Variants in C2CD2 observed in about 807,000 individuals in gnomAD.
The protein encoded by C2CD2 is C2 calcium dependent domain containing 2.
In C2CD2, 43 loss-of-function variants were observed where a neutral mutation model predicts 74.3. The ratio of observed to expected loss-of-function variants is 0.58; its 90% CI spans 0.45 to 0.75. The LOEUF (loss-of-function observed/expected upper bound fraction) is 0.75, where lower values mean the gene tolerates loss of function less well. Ranked by LOEUF, C2CD2 falls within the 30% of genes least tolerant of loss-of-function variation. C2CD2 has a pLI of 0.00. For missense variants in C2CD2, 801 were observed against 916.3 expected, an observed-to-expected ratio of 0.87 and a Z score of 1.63; for synonymous variants, 422 against 390.7, an observed-to-expected ratio of 1.08 and a Z score of -0.94.
intron 11 of C2CD2, 125 bp from the exon 12 acceptor site, chr21:41,901,874 G>T: frequency 1.2e-6 from 1 of 825,788 alleles, no homozygotes; most frequent in Non-Finnish European, 2.0e-6. Flanking sequence ...GGGGCCAAAG[G>T]GTCAATTGTT....
At chr21:41,904,766 G>T (rs1333066401) in intron 11 of C2CD2, among the ~76,000 whole-genome samples, 1 of 152,196 alleles carries the variant, frequency 6.6e-6, no homozygotes, top group Non-Finnish European at 1.5e-5. Context: ...TTGCCCAGTT[G>T]TTGACCTGGG....
chr21:41,916,256 T>A (rs2065089275), intron 5 of C2CD2, among the ~76,000 whole-genome samples: 1 of 152,078 alleles, frequency 6.6e-6, no homozygotes. Flanking sequence ...GGCCATGGGG[T>A]GCCCAGATAT....
intron 13 of C2CD2, among the ~76,000 whole-genome samples, chr21:41,891,987 C>T (rs60298673): frequency 0.012 from 1,763 of 152,162 alleles, 34 homozygotes; most frequent in African/African-American, 0.04. Flanking sequence ...GCTCCCCCAC[C>T]CCCACCCAAA....
chr21:41,947,432 C>T (rs2065410662), intron 1 of C2CD2, among the ~76,000 whole-genome samples: 1 of 152,084 alleles, frequency 6.6e-6, no homozygotes, highest in Non-Finnish European at 1.5e-5. Flanking sequence ...GCTGGGATTA[C>T]AGGCGTGAGC....
chr21:41,928,531 A>G (rs2065235001), intron 2 of C2CD2, among the ~76,000 whole-genome samples: 1 of 131,816 alleles, frequency 7.6e-6, no homozygotes, highest in Admixed American at 8.3e-5. Flanking sequence ...ATTTCAAATC[A>G]TGTAAAGCAA....
rs1296594962 is a variant in C2CD2, at chr21:41,931,846, C to G, written c.379-9761G>C. Among the ~76,000 whole-genome samples, 6 of 146,662 alleles carry G rather than the reference C, an allele frequency of 4.1e-5. 1 individual carries two copies. Among genetic ancestry groups the G allele is most frequent in the Non-Finnish European group, 9.2e-5 (6 of 65,184 alleles). ...CATCCCACTACCCCACCTCCAACAT[C>G]CCACCACTCCACCTCCAACATCCCA... On this transcript the variant is annotated intron_variant, in intron 2 of 13. Transcript: ENST00000380486.
intron 3 of C2CD2, among the ~76,000 whole-genome samples, chr21:41,921,399 T>C (rs561266190): frequency 2.0e-4 from 30 of 152,366 alleles, no homozygotes; most frequent in Non-Finnish European, 3.7e-4. Flanking sequence ...ACTGGGCTTA[T>C]TGTAATTATT....
At chr21:41,940,707 T>C (rs1432246789) in intron 2 of C2CD2, among the ~76,000 whole-genome samples, 2 of 152,170 alleles carry the variant, frequency 1.3e-5, no homozygotes, top group African/African-American at 4.8e-5. Flanking sequence ...CAAAATAGAT[T>C]CTTTATATAC....
chr21:41,942,778 C>T (rs376086283), intron 1 of C2CD2: 1 of 158,712 alleles, frequency 6.3e-6, no homozygotes, highest in African/African-American at 2.4e-5. Flanking sequence ...TCTCCTACCC[C>T]CCAGGGGCTG....
chr21:41,929,421 C>T lies in C2CD2; in HGVS notation c.379-7336G>A, dbSNP rs559324987. On this transcript the variant is annotated intron_variant, in intron 2 of 13. Transcript: ENST00000380486. This position sits in a 1 kb window ranked among gnomAD's most constrained non-coding sequence, Gnocchi z 4.6. ...ATGCGGGGTACTGCACGGGCACAGG[C>T]CTGCCCTGCTTCCCACAGCCCTGCA... is the stretch of plus-strand genomic sequence containing the variant. Among the ~76,000 whole-genome samples, 2 of 152,344 alleles carry T rather than the reference C, an allele frequency of 1.3e-5. No homozygotes were observed. Among genetic ancestry groups the T allele is most frequent in the South Asian group, 2.1e-4 (1 of 4,830 alleles).
At chr21:41,941,396 A>G (rs56094198) in intron 2 of C2CD2, among the ~76,000 whole-genome samples, 3,129 of 152,158 alleles carry the variant, frequency 0.021, 36 homozygotes, top group Middle Eastern at 0.041. Flanking sequence ...GAGAGAGAAA[A>G]TGTCTTAGGA....
At chr21:41,925,397 T>TCA (rs1369521024) in intron 2 of C2CD2, among the ~76,000 whole-genome samples, 1 of 151,848 alleles carries the variant, frequency 6.6e-6, no homozygotes, top group Non-Finnish European at 1.5e-5. Flanking sequence ...AGTGAGAGGA[T>TCA]CACTTGAGCC....
At position 41,928,599 on chromosome 21, in the gene C2CD2, T is replaced by C. The variant is rs115131366; in HGVS notation, c.379-6514A>G. On this transcript the variant is annotated intron_variant, in intron 2 of 13. Transcript: ENST00000380486. ...CTGAGCCGAGCTTCCTGTTTACAGT[T>C]AGCTAGAGTGACAAATGTGGACAAT... 4.4e-3 allele frequency among the ~76,000 whole-genome samples: 642 copies of C among 147,244 alleles called. 2 individuals are homozygous for C. The highest frequency in any genetic ancestry group is 0.015 in the African/African-American group (598 of 39,460).
intron 5 of C2CD2, among the ~76,000 whole-genome samples, chr21:41,915,468 G>A (rs1011526847): frequency 1.2e-4 from 18 of 150,190 alleles, no homozygotes; most frequent in East Asian, 2.0e-4. Context: ...ACAGAGTCTC[G>A]CTCTGTTGTC....
chr21:41,952,465 T>C (rs1316843303), intron 1 of C2CD2, among the ~76,000 whole-genome samples: 2 of 152,224 alleles, frequency 1.3e-5, no homozygotes, highest in Admixed American at 1.3e-4. Flanking sequence ...CAGGAAACTG[T>C]GGCCTGGAAG....
intron 9 of C2CD2, 32 bp from the exon 10 acceptor site, chr21:41,907,198 T>C: frequency 6.3e-7 from 1 of 1,592,640 alleles, no homozygotes; most frequent in Non-Finnish European, 8.6e-7. Context: ...TGTTTCTGGT[T>C]TTGTGGAAGT....
chr21:41,919,084 G>A, intron 3 of C2CD2, 124 bp from the exon 4 acceptor site: 2 of 702,836 alleles, frequency 2.8e-6, no homozygotes, highest in South Asian at 1.7e-5. Flanking sequence ...GTGTCTATGT[G>A]AGCATATATG....
intron 13 of C2CD2, among the ~76,000 whole-genome samples, chr21:41,896,577 G>A (rs2064824641): frequency 6.6e-6 from 1 of 151,906 alleles, no homozygotes; most frequent in African/African-American, 2.4e-5. Context: ...ATAAAAATTT[G>A]GGGAATACAT....
At chr21:41,938,985 G>A (rs950864900) in intron 2 of C2CD2, among the ~76,000 whole-genome samples, 4 of 151,932 alleles carry the variant, frequency 2.6e-5, no homozygotes, top group East Asian at 1.9e-4. Context: ...CTCATGATCC[G>A]CCCACCTTGG....
Sources: gnomAD v4.1 joint callset for allele counts (sites outside exome capture counted in the v4.1 genomes callset) on GRCh38, gnomAD v4.1.1 for gene constraint, Gnocchi (gnomAD v3.1) non-coding constraint, MANE v1.5 for transcripts, NCBI Gene and HGNC (gene_info 2026-07-23, HGNC 2026-07-21) for gene names.